The following KATNA1 variants were observed in gnomAD, a reference collection of about 807,000 sequenced individuals.
The protein encoded by KATNA1 is katanin catalytic subunit A1.
KATNA1 carries 42 observed loss-of-function variants against 62.6 expected under a neutral mutation model. The ratio of observed to expected loss-of-function variants is 0.67; its 90% CI spans 0.52 to 0.87. KATNA1 has a LOEUF of 0.87. KATNA1 is among the 40% of genes least tolerant of loss of function. The pLI, the probability that KATNA1 is intolerant of heterozygous loss-of-function variation, is 0.00. For synonymous variants in KATNA1, 186 were observed against 201.9 expected, an observed-to-expected ratio of 0.92 and a Z score of 0.67; for missense variants, 498 against 612.5, an observed-to-expected ratio of 0.81 and a Z score of 1.97.
chr6:149,633,063 T>C, intron 2 of KATNA1, 147 bp from the exon 3 acceptor site: 1 of 575,622 alleles, frequency 1.7e-6, no homozygotes, highest in Non-Finnish European at 2.9e-6. Flanking sequence ...TATCAAAATG[T>C]TAATAACAGT....
intron 3 of KATNA1, among the ~76,000 whole-genome samples, chr6:149,625,896 T>C (rs919826970): frequency 6.6e-6 from 1 of 150,910 alleles, no homozygotes; most frequent in East Asian, 2.0e-4. Flanking sequence ...CTCACGCCAC[T>C]GCACTCCAGC....
intron 1 of KATNA1, among the ~76,000 whole-genome samples, chr6:149,644,623 AAAAAT>A (rs1242495942): frequency 6.6e-6 from 1 of 152,108 alleles, no homozygotes; most frequent in African/African-American, 2.4e-5. Context: ...TCTGTATCAA[AAAAAT>A]AAAATAAAAT....
chr6:149,598,414 A>G (rs1778410087), intron 7 of KATNA1, 64 bp from the exon 8 acceptor site: 6 of 1,537,062 alleles, frequency 3.9e-6, no homozygotes, highest in Non-Finnish European at 5.4e-6. Flanking sequence ...AATAATCTAC[A>G]GATTAGCAAT....
rs1476844796 is a variant in KATNA1 at position 149,635,947 on chromosome 6, C to T, written c.162+2439G>A. ...GTGGGCTCCTGTAATCCCAGCTACT[C>T]GGGAGTCTGAGGCAGAAGAATCACT... On this transcript the variant is annotated intron_variant, in intron 2 of 10. Transcript: ENST00000367411. 3.3e-5 allele frequency among the ~76,000 whole-genome samples: 5 copies of T among 151,534 alleles called. No homozygotes were observed. The East Asian group carries it at 7.8e-4, about 24-fold the overall frequency.
At chr6:149,602,985 T>C (rs967513280) in intron 6 of KATNA1, among the ~76,000 whole-genome samples, 1 of 151,884 alleles carries the variant, frequency 6.6e-6, no homozygotes, top group Non-Finnish European at 1.5e-5. Flanking sequence ...CCTCCTAAAG[T>C]GCTGGGATTA....
intron 1 of KATNA1, among the ~76,000 whole-genome samples, chr6:149,647,423 T>A (rs145481548): frequency 7.6e-4 from 111 of 145,976 alleles, no homozygotes; most frequent in African/African-American, 2.2e-3. Context: ...TCAAGGAGGC[T>A]GAGGCAGGGG....
intron 7 of KATNA1, among the ~76,000 whole-genome samples, chr6:149,599,497 T>G (rs1014802924): frequency 6.6e-6 from 1 of 152,148 alleles, no homozygotes; most frequent in Non-Finnish European, 1.5e-5. Flanking sequence ...TGGTTCTCCC[T>G]GCACAGCACA....
Position 149,632,789 on chromosome 6 carries a change from ACTT to A in KATNA1, c.287_289del (p.Glu96del), listed in dbSNP as rs1331727547. The A allele has an allele frequency of 6.2e-7, 1 of 1,613,554 alleles. No homozygotes were observed. The highest frequency in any genetic ancestry group is 1.7e-5 in the Admixed American group (1 of 59,832). ...TTCAACAGGTACAGGCATGGACCAG[ACTT>A]CTCCCTCAGAAGCTGGAAGGTCATG... On this transcript the variant is annotated inframe_deletion, in exon 3 of 11. Transcript: ENST00000367411.
At chr6:149,647,521 C>CAAAAAAAAAAAAAAAAAAAAA (rs10719474) in intron 1 of KATNA1, among the ~76,000 whole-genome samples, 2 of 46,858 alleles carry the variant, frequency 4.3e-5, no homozygotes, top group Non-Finnish European at 8.2e-5. Flanking sequence ...GACTCCGTCT[C>CAAAAAAAAAAAAAAAAAAAAA]AAAAAAAAAA....
Position 149,632,941 on chromosome 6 carries a change from G to C in KATNA1, c.163-25C>G, listed in dbSNP as rs763892379. On this transcript the variant is annotated intron_variant, in intron 2 of 10. Coordinates refer to ENST00000367411, the MANE Select transcript of KATNA1 (RefSeq NM_007044.4). ...CCTGATTTCAAAGAAGAAGATGGAT[G>C]TTTAAATTTCTATAATATATCACTG... 3 of 1,573,812 alleles carry C rather than the reference G, an allele frequency of 1.9e-6. No homozygotes were observed. The Admixed American group carries it at 5.8e-5, about 30-fold the overall frequency.
At chr6:149,598,171 C>G in intron 8 of KATNA1, 53 bp downstream of exon 8, 1 of 1,601,284 alleles carries the variant, frequency 6.2e-7, no homozygotes, top group Non-Finnish European at 8.5e-7. Flanking sequence ...GAACTGGAGA[C>G]ACCACACCTA....
At chr6:149,638,889 G>A (rs1198651309) in intron 1 of KATNA1, among the ~76,000 whole-genome samples, 1 of 151,440 alleles carries the variant, frequency 6.6e-6, no homozygotes, top group Non-Finnish European at 1.5e-5. Context: ...GGCACCCACC[G>A]CCATGCCCGG....
In KATNA1 at chr6:149,596,332, C is replaced by T. The variant is rs567041102; in HGVS notation, c.1277+731G>A. 1.1e-4 allele frequency among the ~76,000 whole-genome samples: 16 copies of T among 152,138 alleles called. No individual in the cohort carries two copies. In the East Asian group the frequency reaches 2.5e-3, roughly 24 times the overall value. On this transcript the variant is annotated intron_variant, in intron 10 of 10. Coordinates refer to ENST00000367411, the MANE Select transcript of KATNA1 (RefSeq NM_007044.4). ...GGCGGATCACTTGAGGTCAGGAGTTCGACACCAGCCTGGTCAACATGGTGA... is the reference window on the plus strand; with the variant it reads ...GGCGGATCACTTGAGGTCAGGAGTTTGACACCAGCCTGGTCAACATGGTGA...
chr6:149,621,585 C>T (rs1424084756), intron 4 of KATNA1, among the ~76,000 whole-genome samples: 4 of 151,764 alleles, frequency 2.6e-5, no homozygotes, highest in African/African-American at 7.3e-5. Flanking sequence ...CTCCGCCTCC[C>T]GGGTTCAAGT....
chr6:149,603,459 G>A, intron 5 of KATNA1, 86 bp from the exon 6 acceptor site: 1 of 610,072 alleles, frequency 1.6e-6, no homozygotes, highest in Non-Finnish European at 2.9e-6. Flanking sequence ...AGCACATGAT[G>A]TTGCACTGCT....
intron 1 of KATNA1, among the ~76,000 whole-genome samples, chr6:149,644,620 C>CA (rs901294845): frequency 2.6e-4 from 40 of 151,342 alleles, no homozygotes; most frequent in Non-Finnish European, 4.4e-5. Flanking sequence ...GGCTCTGTAT[C>CA]AAAAAAATAA....
At chr6:149,629,628 T>C (rs1198983682) in intron 3 of KATNA1, among the ~76,000 whole-genome samples, 1 of 152,204 alleles carries the variant, frequency 6.6e-6, no homozygotes, top group East Asian at 1.9e-4. Flanking sequence ...ACTTGACTCA[T>C]CTATTAGTTC....
At chr6:149,627,524 T>C (rs531870011) in intron 3 of KATNA1, among the ~76,000 whole-genome samples, 1 of 123,146 alleles carries the variant, frequency 8.1e-6, no homozygotes, top group Non-Finnish European at 1.6e-5. Flanking sequence ...TGAGACTCCA[T>C]CTCAAAAAAA....
At chr6:149,617,989 A>T (rs9379349) in intron 4 of KATNA1, among the ~76,000 whole-genome samples, 54,563 of 141,234 alleles carry the variant, frequency 0.39, 10,508 homozygotes, top group East Asian at 0.71. Context: ...TAAATAAATA[A>T]ATATATATAT....
Sources: gnomAD v4.1 joint callset for allele counts (sites outside exome capture counted in the v4.1 genomes callset) on GRCh38, gnomAD v4.1.1 for gene constraint, MANE v1.5 for transcripts, NCBI Gene and HGNC (gene_info 2026-07-23, HGNC 2026-07-21) for gene names.